Variants in MAGI3 observed in about 807,000 individuals in gnomAD.
MAGI3 encodes the protein membrane associated guanylate kinase, WW and PDZ domain containing 3.
Under a neutral mutation model 121.8 loss-of-function variants are expected in MAGI3, and 43 were observed. That is an observed-to-expected ratio of 0.35 (90% confidence interval 0.28 to 0.46). MAGI3 has a LOEUF of 0.46. MAGI3 is among the 20% of genes least tolerant of loss of function. MAGI3 has a pLI of 1.00. For synonymous variants in MAGI3, 553 were observed against 639.3 expected (o/e 0.86, Z 2.04); for missense variants, 1,547 against 1,797.3 (o/e 0.86, Z 2.52).
At chr1:113,640,945 TATATATA>T (rs1652427514) in intron 9 of MAGI3, among the ~76,000 whole-genome samples, 1 of 135,418 alleles carries the variant, frequency 7.4e-6, no homozygotes, top group Admixed American at 8.3e-5. Context: ...TATATATAAA[TATATATA>T]ATATTAAATA....
chr1:113,539,749 A>T (rs1460338720), intron 1 of MAGI3, among the ~76,000 whole-genome samples: 2 of 150,568 alleles, frequency 1.3e-5, no homozygotes, highest in Non-Finnish European at 3.0e-5. Context: ...TTTAAAATAT[A>T]TCATGAGCAT....
At chr1:113,681,626 CAATTTA>C (rs1200748329) in intron 20 of MAGI3, among the ~76,000 whole-genome samples, 1 of 152,210 alleles carries the variant, frequency 6.6e-6, no homozygotes, top group African/African-American at 2.4e-5. Flanking sequence ...TAGAGGCAAA[CAATTTA>C]AATACCATAA....
intron 1 of MAGI3, among the ~76,000 whole-genome samples, chr1:113,539,017 C>T (rs1557811228): frequency 6.6e-6 from 1 of 151,372 alleles, no homozygotes; most frequent in East Asian, 1.9e-4. Context: ...GTTTGTAAAA[C>T]TTTTTTTTTC....
At position 113,641,815 on chromosome 1, in the gene MAGI3, A is replaced by G. The variant is rs558823207; in HGVS notation, c.1361-96A>G. On this transcript the variant is annotated intron_variant, in intron 9 of 20. Transcript: ENST00000307546. ...GTTAATAGAGGTTTCCAAAATTCAAATTTAGTTGCTAAATTGTAGTTATTT... is the reference window on the plus strand; with the variant it reads ...GTTAATAGAGGTTTCCAAAATTCAAGTTTAGTTGCTAAATTGTAGTTATTT... 59 of 1,200,150 alleles carry G rather than the reference A, an allele frequency of 4.9e-5. No homozygotes were observed. In the African/African-American group the frequency reaches 6.3e-4, roughly 13 times the overall value. The allele number at this position is 1,200,150 out of a possible 1,614,324, so 74.3% of individuals were successfully genotyped here.
intron 1 of MAGI3, among the ~76,000 whole-genome samples, chr1:113,547,749 A>G (rs1659602410): frequency 6.6e-6 from 1 of 152,224 alleles, no homozygotes; most frequent in East Asian, 1.9e-4. Context: ...TATACATTTA[A>G]AAAATGAAAT....
intron 9 of MAGI3, among the ~76,000 whole-genome samples, chr1:113,639,897 G>A (rs957037243): frequency 6.6e-6 from 1 of 152,080 alleles, no homozygotes; most frequent in South Asian, 2.1e-4. Context: ...TAGAGATGGG[G>A]TTTCGCCATG....
At chr1:113,619,905 T>G in intron 8 of MAGI3, 75 bp downstream of exon 8, 1 of 1,018,198 alleles carries the variant, frequency 9.8e-7, no homozygotes. Flanking sequence ...AAAGTGAGTT[T>G]GAACTTCTTA....
chr1:113,429,475 C>G (rs1653190078), intron 1 of MAGI3, among the ~76,000 whole-genome samples: 1 of 152,176 alleles, frequency 6.6e-6, no homozygotes, highest in African/African-American at 2.4e-5. Context: ...TAAATACCCT[C>G]TAGAGGTTTC....
intron 2 of MAGI3, among the ~76,000 whole-genome samples, chr1:113,555,954 C>T (rs925066552): frequency 6.6e-6 from 1 of 151,986 alleles, no homozygotes; most frequent in Non-Finnish European, 1.5e-5. Context: ...TAGCACACTT[C>T]TAAATAAACT....
At chr1:113,404,611 T>A (rs983101578) in intron 1 of MAGI3, among the ~76,000 whole-genome samples, 1 of 152,130 alleles carries the variant, frequency 6.6e-6, no homozygotes, top group African/African-American at 2.4e-5. Context: ...CAGTTGACTA[T>A]GGTGGTAGTT....
rs547749026 is a variant in MAGI3, at chr1:113,447,659, A to G, written c.316+56310A>G. ...ACCTGAGGTCAGGAGTTGGAGACCA[A>G]CCTGGCCAAAATTGTGAAATCCTGT... On this transcript the variant is annotated intron_variant, in intron 1 of 20. Transcript: ENST00000307546. Among the ~76,000 whole-genome samples, 8 of 152,212 alleles carry G rather than the reference A, an allele frequency of 5.3e-5. No individual in the cohort carries two copies. In the South Asian group the frequency reaches 1.7e-3, roughly 32 times the overall value.
At chr1:113,552,960 A>G (rs1307351561) in intron 2 of MAGI3, among the ~76,000 whole-genome samples, 1 of 152,244 alleles carries the variant, frequency 6.6e-6, no homozygotes, top group Non-Finnish European at 1.5e-5. Context: ...ATATAAGTGT[A>G]TCAGAAAGTA....
intron 1 of MAGI3, chr1:113,449,726 A>C (rs1654383578): frequency 5.5e-6 from 5 of 904,394 alleles, no homozygotes; most frequent in Non-Finnish European, 3.7e-6. Flanking sequence ...CAAAGGAACC[A>C]GAGAAGTTGA....
At chr1:113,464,422 A>G (rs533094207) in intron 1 of MAGI3, among the ~76,000 whole-genome samples, 9 of 152,116 alleles carry the variant, frequency 5.9e-5, no homozygotes, top group Non-Finnish European at 1.3e-4. Context: ...AGGTTGATTT[A>G]TATCTTGGCA....
Position 113,683,010 on chromosome 1 carries a change from A to C in MAGI3, c.3442A>C (p.Ile1148Leu), listed in dbSNP as rs1466909631. The C allele has an allele frequency of 1.2e-6, 2 of 1,614,000 alleles. No homozygotes were observed. Among genetic ancestry groups the C allele is most frequent in the Non-Finnish European group, 1.7e-6 (2 of 1,179,892 alleles). ...SIFEESHVPVIEESLRVQICE... is the reference protein window; with the variant it reads ...SIFEESHVPVLEESLRVQICE... ...ATTTGAAGAGTCTCACGTGCCAGTA[A>C]TTGAAGAATCTTTGAGAGTTCAGAT... Residue 1148 changes from isoleucine to leucine, a missense_variant, in exon 21 of 21, where the codon ATT becomes CTT. Coordinates refer to ENST00000307546, the MANE Select transcript of MAGI3 (RefSeq NM_001142782.2).
intron 2 of MAGI3, among the ~76,000 whole-genome samples, chr1:113,573,372 C>G (rs1337911337): frequency 6.6e-6 from 1 of 152,206 alleles, no homozygotes; most frequent in African/African-American, 2.4e-5. Flanking sequence ...TTAGCTGTGT[C>G]CCAGAGATTC....
intron 7 of MAGI3, among the ~76,000 whole-genome samples, chr1:113,618,828 A>C (rs1450777808): frequency 6.6e-6 from 1 of 152,154 alleles, no homozygotes; most frequent in Non-Finnish European, 1.5e-5. Flanking sequence ...AAAGTGGAAA[A>C]CTGTAGCATA....
intron 1 of MAGI3, among the ~76,000 whole-genome samples, chr1:113,468,717 A>G (rs1435094668): frequency 6.6e-6 from 1 of 152,194 alleles, no homozygotes; most frequent in African/African-American, 2.4e-5. Context: ...ACCCATTGCA[A>G]TGATGTAATA....
intron 1 of MAGI3, among the ~76,000 whole-genome samples, chr1:113,416,371 T>C (rs1375888510): frequency 3.3e-5 from 4 of 121,436 alleles, no homozygotes; most frequent in East Asian, 2.4e-4. Flanking sequence ...TATATTATAT[T>C]AATATATTAA....
Sources: gnomAD v4.1 joint callset for allele counts (sites outside exome capture counted in the v4.1 genomes callset) on GRCh38, gnomAD v4.1.1 for gene constraint, MANE v1.5 for transcripts, NCBI Gene and HGNC (gene_info 2026-07-23, HGNC 2026-07-21) for gene names.